Variants in ULK4 observed in about 807,000 individuals in gnomAD.
ULK4 encodes unc-51 like kinase 4, also known as inactive serine/threonine-protein kinase ULK4.
In ULK4, 133 loss-of-function variants were observed where a neutral mutation model predicts 160.6. The observed-to-expected ratio is 0.83, with a 90% CI of 0.72 to 0.96. ULK4 has a LOEUF of 0.96. ULK4 is among the 40% of genes least tolerant of loss of function. ULK4 has a pLI of 0.00. For synonymous variants in ULK4, 534 were observed against 539.8 expected (o/e 0.99, Z 0.15); for missense variants, 1,580 against 1,499.5 (o/e 1.05, Z -0.89).
intron 35 of ULK4, among the ~76,000 whole-genome samples, chr3:41,368,343 C>T (rs2081294176): frequency 1.3e-5 from 2 of 152,200 alleles, no homozygotes; most frequent in South Asian, 4.2e-4. Flanking sequence ...GCCACCAAGC[C>T]CGGCCTGTGT....
At chr3:41,471,152 A>G (rs995234393) in intron 32 of ULK4, among the ~76,000 whole-genome samples, 3 of 152,160 alleles carry the variant, frequency 2.0e-5, no homozygotes, top group Admixed American at 6.5e-5. Flanking sequence ...GAAGGAATGG[A>G]AAAAGATATT....
At chr3:41,374,094 T>G (rs542742665) in intron 35 of ULK4, among the ~76,000 whole-genome samples, 11 of 152,144 alleles carry the variant, frequency 7.2e-5, no homozygotes, top group Non-Finnish European at 1.5e-4. Context: ...CAGGAAGAAG[T>G]TGAATCCCTG....
intron 21 of ULK4, among the ~76,000 whole-genome samples, chr3:41,771,597 T>G (rs868648550): frequency 5.3e-5 from 8 of 151,832 alleles, no homozygotes; most frequent in Middle Eastern, 6.8e-3. Context: ...ATGCTTTTCC[T>G]TTCAAATCAT....
intron 22 of ULK4, among the ~76,000 whole-genome samples, chr3:41,732,886 G>A (rs990371759): frequency 3.9e-5 from 6 of 152,088 alleles, no homozygotes; most frequent in African/African-American, 1.2e-4. Flanking sequence ...TCGCTCATAT[G>A]TGGAATCTCA....
intron 27 of ULK4, among the ~76,000 whole-genome samples, chr3:41,697,780 T>G (rs914123704): frequency 1.3e-5 from 2 of 152,064 alleles, no homozygotes; most frequent in Admixed American, 6.5e-5. Context: ...TGAGCCTCTG[T>G]GCCAGACCAA....
intron 6 of ULK4, 115 bp from the exon 7 acceptor site, chr3:41,918,655 G>A: frequency 7.7e-6 from 4 of 520,088 alleles, no homozygotes; most frequent in East Asian, 4.4e-5. Flanking sequence ...AGGCTGGAGT[G>A]CAGTGGCGCA....
At chr3:41,668,688 T>C (rs1008515970) in intron 29 of ULK4, among the ~76,000 whole-genome samples, 1 of 152,142 alleles carries the variant, frequency 6.6e-6, no homozygotes, top group African/African-American at 2.4e-5. Context: ...CACCTAGAAC[T>C]GGACAGGAAA....
chr3:41,408,393 A>G (rs1460161806), intron 34 of ULK4, among the ~76,000 whole-genome samples: 1 of 139,910 alleles, frequency 7.1e-6, no homozygotes, highest in Admixed American at 8.0e-5. Context: ...GCACCACTGC[A>G]CTCCAGCCTG....
At chr3:41,637,661 T>G (rs9818089) in intron 30 of ULK4, among the ~76,000 whole-genome samples, 1 of 152,082 alleles carries the variant, frequency 6.6e-6, no homozygotes, top group Non-Finnish European at 1.5e-5. Flanking sequence ...CTGTCAACAA[T>G]GTGTAAGAGT....
intron 11 of ULK4, 25 bp downstream of exon 11, chr3:41,911,292 A>C: frequency 1.2e-6 from 2 of 1,610,722 alleles, no homozygotes; most frequent in Non-Finnish European, 1.7e-6. Flanking sequence ...TCTTGCACTG[A>C]TCCCTCTTTT....
intron 29 of ULK4, among the ~76,000 whole-genome samples, chr3:41,676,878 T>A (rs2035736687): frequency 6.6e-6 from 1 of 151,022 alleles, no homozygotes; most frequent in Non-Finnish European, 1.5e-5. Context: ...TATCCCCTTC[T>A]TGCCTGGGGT....
intron 25 of ULK4, among the ~76,000 whole-genome samples, chr3:41,709,161 C>A (rs1299063794): frequency 1.3e-5 from 2 of 152,090 alleles, no homozygotes; most frequent in African/African-American, 4.8e-5. Context: ...AATTTCACTA[C>A]ACTTTTCCAC....
chr3:41,716,185 C>G (rs187102610), intron 23 of ULK4, among the ~76,000 whole-genome samples: 39 of 148,936 alleles, frequency 2.6e-4, no homozygotes, highest in African/African-American at 9.6e-4. Context: ...TGCACTCCAG[C>G]CTGGGCGACA....
At chr3:41,672,711 T>G (rs543059864) in intron 29 of ULK4, among the ~76,000 whole-genome samples, 2 of 152,224 alleles carry the variant, frequency 1.3e-5, no homozygotes, top group Non-Finnish European at 2.9e-5. Context: ...TGAAATATAC[T>G]GACACATAGA....
chr3:41,625,204 G>A (rs879837546), intron 30 of ULK4, among the ~76,000 whole-genome samples: 4 of 152,134 alleles, frequency 2.6e-5, no homozygotes. Context: ...CAAGGGTATC[G>A]CACATAGTAT....
intron 35 of ULK4, among the ~76,000 whole-genome samples, chr3:41,270,960 T>C (rs1264559245): frequency 6.6e-6 from 1 of 152,236 alleles, no homozygotes; most frequent in Non-Finnish European, 1.5e-5. Context: ...ACATTGTTTT[T>C]ACCTAGTTGT....
At chr3:41,596,274 G>A (rs2031685843) in intron 31 of ULK4, among the ~76,000 whole-genome samples, 1 of 152,196 alleles carries the variant, frequency 6.6e-6, no homozygotes, top group African/African-American at 2.4e-5. Context: ...ATTTCCAGCT[G>A]AGATATAGTC....
intron 17 of ULK4, among the ~76,000 whole-genome samples, chr3:41,859,099 C>A (rs376565439): frequency 6.6e-6 from 1 of 152,130 alleles, no homozygotes; most frequent in African/African-American, 2.4e-5. Context: ...CAGAAGAGTA[C>A]ATAATCATTT....
At chr3:41,291,126 T>C (rs1415505669) in intron 35 of ULK4, among the ~76,000 whole-genome samples, 1 of 152,084 alleles carries the variant, frequency 6.6e-6, no homozygotes, top group Admixed American at 6.5e-5. Flanking sequence ...CAGAAGCTTC[T>C]GATTTTCACT....
Sources: gnomAD v4.1 joint callset for allele counts (sites outside exome capture counted in the v4.1 genomes callset) on GRCh38, gnomAD v4.1.1 for gene constraint, MANE v1.5 for transcripts, NCBI Gene and HGNC (gene_info 2026-07-23, HGNC 2026-07-21) for gene names.